The following SETBP1 variants were observed in gnomAD, a reference collection of about 807,000 sequenced individuals.
The protein encoded by SETBP1 is SET-binding protein.
SETBP1 carries 9 observed loss-of-function variants against 101.0 expected under a neutral mutation model. The ratio of observed to expected loss-of-function variants is 0.09; its 90% confidence interval spans 0.05 to 0.16. SETBP1 has a LOEUF of 0.16. Among genes scored for constraint, SETBP1 ranks in the 10% least tolerant of loss-of-function variants. The pLI is 1.00. For missense variants in SETBP1, 1,858 were observed against 2,033.8 expected (o/e 0.91, Z 1.66); for synonymous variants, 818 against 788.5 (o/e 1.04, Z -0.63).
chr18:44,804,803 G>C (rs2071693551), intron 2 of SETBP1, among the ~76,000 whole-genome samples: 1 of 152,066 alleles, frequency 6.6e-6, no homozygotes, highest in South Asian at 2.1e-4. Flanking sequence ...AACGTGGGAT[G>C]GTGATTTCTG....
intron 2 of SETBP1, among the ~76,000 whole-genome samples, chr18:44,864,090 G>T (rs2069076774): frequency 6.6e-6 from 1 of 152,148 alleles, no homozygotes; most frequent in African/African-American, 2.4e-5. Context: ...CATGACGTTT[G>T]TTCCTGGGGC....
chr18:45,006,490 G>A (rs1170291434), intron 4 of SETBP1, among the ~76,000 whole-genome samples: 1 of 152,166 alleles, frequency 6.6e-6, no homozygotes, highest in African/African-American at 2.4e-5. Flanking sequence ...TGCAGAATTG[G>A]TTCCTTTTTA....
chr18:44,719,360 G>C (rs1363259611), intron 2 of SETBP1, among the ~76,000 whole-genome samples: 4 of 152,182 alleles, frequency 2.6e-5, no homozygotes, highest in Non-Finnish European at 5.9e-5. Flanking sequence ...AAGGGGTGGA[G>C]GGCAGGGGAG....
intron 2 of SETBP1, 128 bp downstream of exon 2, chr18:44,701,960 C>A: frequency 1.9e-6 from 2 of 1,040,448 alleles, no homozygotes; most frequent in South Asian, 1.5e-5. Flanking sequence ...GGATTCAGAC[C>A]CCTGCACAGT....
intron 4 of SETBP1, among the ~76,000 whole-genome samples, chr18:45,006,115 A>C (rs2072720786): frequency 6.6e-6 from 1 of 151,128 alleles, no homozygotes; most frequent in Admixed American, 6.6e-5. Context: ...CACCATGCCC[A>C]GCTAAGTTTT....
intron 2 of SETBP1, among the ~76,000 whole-genome samples, chr18:44,837,679 GACACA>G (rs2072527188): frequency 6.6e-6 from 1 of 152,158 alleles, no homozygotes; most frequent in Non-Finnish European, 1.5e-5. Context: ...AGCTGGGAGG[GACACA>G]TGCATTCCTA....
intron 4 of SETBP1, among the ~76,000 whole-genome samples, chr18:45,037,517 C>G (rs1022860231): frequency 6.6e-6 from 1 of 152,078 alleles, no homozygotes; most frequent in Non-Finnish European, 1.5e-5. Flanking sequence ...CACAACAGCC[C>G]CTACAAGGTA....
intron 4 of SETBP1, among the ~76,000 whole-genome samples, chr18:44,996,617 C>T (rs529602275): frequency 6.6e-6 from 1 of 152,358 alleles, no homozygotes; most frequent in East Asian, 1.9e-4. Flanking sequence ...AAGGGCTTTC[C>T]CATATGTTAT....
At chr18:44,716,094 T>C (rs2069456682) in intron 2 of SETBP1, among the ~76,000 whole-genome samples, 1 of 152,144 alleles carries the variant, frequency 6.6e-6, no homozygotes, top group South Asian at 2.1e-4. Context: ...TAAATACCAA[T>C]TTCCCTTTGT....
chr18:44,690,411 G>A (rs150092434), intron 1 of SETBP1, among the ~76,000 whole-genome samples: 12 of 152,318 alleles, frequency 7.9e-5, no homozygotes, highest in African/African-American at 2.9e-4. Context: ...TTAATCAGAC[G>A]GTTGAGAAGT....
chr18:44,748,779 G>C (rs895962390), intron 2 of SETBP1, among the ~76,000 whole-genome samples: 1 of 152,190 alleles, frequency 6.6e-6, no homozygotes, highest in African/African-American at 2.4e-5. Flanking sequence ...GCGGCTTTTG[G>C]CAACTTAGAT....
intron 2 of SETBP1, among the ~76,000 whole-genome samples, chr18:44,713,789 TA>T (rs1199492576): frequency 3.1e-4 from 47 of 152,376 alleles, no homozygotes; most frequent in African/African-American, 1.1e-3. Flanking sequence ...GTCGATTCTC[TA>T]GGCTAAAATT....
intron 2 of SETBP1, among the ~76,000 whole-genome samples, chr18:44,846,450 C>T (rs1380550864): frequency 6.6e-6 from 1 of 152,220 alleles, no homozygotes; most frequent in Non-Finnish European, 1.5e-5. Flanking sequence ...TACCACTAAT[C>T]TACTTTCTGT....
rs2073925873 is a variant in SETBP1, at chr18:45,063,550, C to G, written c.4643C>G (p.Pro1548Arg). 1.3e-6 allele frequency: 2 copies of G among 1,495,504 alleles called. No homozygotes were observed. Among genetic ancestry groups the G allele is most frequent in the South Asian group, 1.3e-5 (1 of 79,416 alleles). The allele number at this position is 1,495,504 out of a possible 1,614,324, so 92.6% of individuals were successfully genotyped here. A position where few individuals can be genotyped will look rare whatever the true frequency, so the allele number is the denominator to read the frequency against. The change falls in exon 6 of 6, where the codon CCC (proline) becomes CGC (arginine). Residue 1548 changes from proline to arginine, a missense_variant. This residue lies in a region of SETBP1 where 178 missense variants were observed against 189.1 expected (regional missense o/e 0.94). Transcript: ENST00000649279. ...LPPPPPLPKT[P>R]RGGKRKHKPQ... The stretch of plus-strand genomic sequence containing the variant: ...CCGCCACCCCCTCTACCCAAGACCC[C>G]CCGAGGCGGAAAGAGGAAACACAAA...
chr18:44,941,282 T>C (rs900633431), intron 3 of SETBP1, among the ~76,000 whole-genome samples: 11 of 151,868 alleles, frequency 7.2e-5, no homozygotes, highest in Non-Finnish European at 1.3e-4. Flanking sequence ...CACGGGGTTT[T>C]ACCATGTTGG....
intron 3 of SETBP1, among the ~76,000 whole-genome samples, chr18:44,927,035 C>T (rs1197890827): frequency 1.3e-5 from 2 of 152,142 alleles, no homozygotes; most frequent in African/African-American, 4.8e-5. Context: ...AGATTGGAGA[C>T]AGGAGACTGT....
chr18:44,991,405 A>G (rs1568014198), intron 4 of SETBP1, among the ~76,000 whole-genome samples: 1 of 152,100 alleles, frequency 6.6e-6, no homozygotes, highest in Non-Finnish European at 1.5e-5. Flanking sequence ...TAAAACATAT[A>G]CCTAAAATAT....
At position 44,952,901 on chromosome 18, in the gene SETBP1, C is replaced by A. The variant is rs138530624; in HGVS notation, c.3561C>A (p.Ser1187Arg). 1 of 1,614,162 alleles carries A rather than the reference C, an allele frequency of 6.2e-7. No homozygotes were observed. The highest frequency in any genetic ancestry group is 8.5e-7 in the Non-Finnish European group (1 of 1,180,044). ...CAGGCTTCTCCAGCCACATCCTGAGCGAGCGGCTGAGTAGCGCAGACAAAG... is the reference window on the plus strand; with the variant it reads ...CAGGCTTCTCCAGCCACATCCTGAGAGAGCGGCTGAGTAGCGCAGACAAAG... ...KATGFSSHIL[S>R]ERLSSADKEL... Residue 1187 changes from serine to arginine, a missense_variant, in exon 4 of 6, where the codon AGC (serine) becomes AGA (arginine). Coordinates refer to ENST00000649279, the MANE Select transcript of SETBP1 (RefSeq NM_015559.3).
Position 44,949,926 on chromosome 18 carries a change from G to A in SETBP1, c.586G>A (p.Gly196Ser), listed in dbSNP as rs980862310. 6.2e-7 allele frequency: 1 copy of A among 1,613,826 alleles called. No individual in the cohort carries two copies. Reference protein sequence around the residue: ...QKHSTLHYDTGLPQDFTGDTL... With the variant: ...QKHSTLHYDTSLPQDFTGDTL... ...ACATTCAACTCTCCATTATGACACG[G>A]GCCTCCCACAGGACTTCACCGGTGA... is the stretch of plus-strand genomic sequence containing the variant. The change falls in exon 4 of 6, where the codon GGC becomes AGC. Residue 196 changes from glycine to serine, a missense_variant. By Grantham distance (56) the Gly-to-Ser change is moderately conservative (BLOSUM62 0). This residue lies in a region of SETBP1 where 581 missense variants were observed against 535.1 expected (regional missense o/e 1.09). Coordinates refer to ENST00000649279, the MANE Select transcript of SETBP1 (RefSeq NM_015559.3).
Sources: gnomAD v4.1 joint callset for allele counts (sites outside exome capture counted in the v4.1 genomes callset) on GRCh38, gnomAD v4.1.1 for gene constraint, gnomAD v4.1.1 regional missense constraint, MANE v1.5 for transcripts, NCBI Gene and HGNC (gene_info 2026-07-23, HGNC 2026-07-21) for gene names.